The following ASH1L variants were observed in gnomAD, a reference collection of about 807,000 sequenced individuals.
ASH1L encodes the protein histone-lysine N-methyltransferase ASH1L.
ASH1L carries 23 observed loss-of-function variants against 269.0 expected under a neutral mutation model. The ratio of observed to expected loss-of-function variants is 0.09; its 90% confidence interval spans 0.06 to 0.12. The LOEUF is 0.12. ASH1L is among the 10% of genes least tolerant of loss of function. The pLI, the probability that ASH1L is intolerant of heterozygous loss-of-function variation, is 1.00. For synonymous variants in ASH1L, 1,187 were observed against 1,253.5 expected (o/e 0.95, Z 1.12); for missense variants, 2,912 against 3,567.8 (o/e 0.82, Z 4.68).
intron 12 of ASH1L, among the ~76,000 whole-genome samples, chr1:155,363,302 G>A (rs894853285): frequency 6.6e-6 from 1 of 151,812 alleles, no homozygotes; most frequent in African/African-American, 2.4e-5. Flanking sequence ...TTTTTAAACA[G>A]TATCTCACTC....
intron 22 of ASH1L, 132 bp downstream of exon 22, chr1:155,344,051 C>A: frequency 1.3e-6 from 1 of 758,244 alleles, no homozygotes; most frequent in Non-Finnish European, 2.1e-6. Flanking sequence ...ACAAGGACTA[C>A]AGATATAAAA....
intron 6 of ASH1L, among the ~76,000 whole-genome samples, chr1:155,404,136 G>A (rs1659075607): frequency 6.6e-6 from 1 of 151,876 alleles, no homozygotes; most frequent in African/African-American, 2.4e-5. Flanking sequence ...GCCAAAGAGG[G>A]ACTTGACTCA....
rs777151077 is a variant in ASH1L at position 155,354,461 on chromosome 1, CA to C, written c.7213+11del. 1 of 1,601,478 alleles carries C rather than the reference CA, an allele frequency of 6.2e-7. No homozygotes were observed. The highest frequency in any genetic ancestry group is 8.5e-7 in the Non-Finnish European group (1 of 1,175,540). ...TCTGTCTCAAAAAAAAGAAATGTTT[CA>C]AATGCCTTACCAGACTTGATATTCC... On this transcript the variant is annotated intron_variant, in intron 16 of 27. Transcript: ENST00000392403.
At chr1:155,525,996 TATA>T (rs1407369891) in intron 1 of ASH1L, among the ~76,000 whole-genome samples, 2 of 152,208 alleles carry the variant, frequency 1.3e-5, no homozygotes, top group Admixed American at 6.5e-5. Context: ...TAAAATTTTG[TATA>T]ATTTTTTATT....
intron 25 of ASH1L, among the ~76,000 whole-genome samples, chr1:155,340,574 G>A (rs1416711562): frequency 1.3e-5 from 2 of 152,168 alleles, no homozygotes; most frequent in Non-Finnish European, 2.9e-5. Flanking sequence ...CTCAGCCAGG[G>A]TTTTATTAGA....
chr1:155,430,513 GT>G (rs1382259690), intron 5 of ASH1L, among the ~76,000 whole-genome samples: 2 of 152,030 alleles, frequency 1.3e-5, no homozygotes, highest in Admixed American at 6.6e-5. Flanking sequence ...CATTTCAACA[GT>G]TTTCCCATTT....
intron 2 of ASH1L, among the ~76,000 whole-genome samples, chr1:155,516,171 A>C (rs1668492731): frequency 6.6e-6 from 1 of 152,154 alleles, no homozygotes; most frequent in South Asian, 2.1e-4. Flanking sequence ...AAAACACTGT[A>C]TGTAACCTAT....
In ASH1L at chr1:155,517,991, A is replaced by G. The variant is rs566695532; in HGVS notation, c.420+3109T>C. Among the ~76,000 whole-genome samples, 47 of 151,474 alleles carry G rather than the reference A, an allele frequency of 3.1e-4. 1 individual carries two copies. In the South Asian group the frequency reaches 4.4e-3, roughly 14 times the overall value. ...AATTTTTTGTATTTTTAGTAGAGAC[A>G]GGGTTTCACCGTTTTAGCCGGGATG... On this transcript the variant is annotated intron_variant, in intron 2 of 27. Transcript: ENST00000392403.
At chr1:155,424,132 T>C (rs1343334035) in intron 5 of ASH1L, among the ~76,000 whole-genome samples, 5 of 152,242 alleles carry the variant, frequency 3.3e-5, no homozygotes, top group Non-Finnish European at 7.3e-5. Flanking sequence ...TTTCTCTTGT[T>C]CTTGGAAGCC....
In ASH1L at chr1:155,415,851, G is replaced by C. The variant is rs1660164994; in HGVS notation, c.5901C>G (p.Thr1967=). ...GGATGAGAGAAAGCACAGGCTGCAA[G>C]GTACTTTCAGGTTCAGAAGGTTTAG... is the stretch of plus-strand genomic sequence containing the variant. ...TPAKPSEPES[T]LQPVLSLIPR... is the part of the protein sequence containing the mutation. Residue 1967 remains threonine, a synonymous_variant, in exon 6 of 28, where the codon ACC becomes ACG. Transcript: ENST00000392403. 2.5e-6 allele frequency: 4 copies of C among 1,613,766 alleles called. No homozygotes were observed. In the South Asian group the frequency reaches 4.4e-5, roughly 18 times the overall value.
chr1:155,521,590 TCTCCAAAA>T lies in ASH1L; in HGVS notation c.-79_-72del. 7.0e-7 allele frequency: 1 copy of T among 1,424,862 alleles called. No homozygotes were observed. Among genetic ancestry groups the T allele is most frequent in the Non-Finnish European group, 9.5e-7 (1 of 1,056,146 alleles). The allele number at this position is 1,424,862 out of a possible 1,614,324, so 88.3% of individuals were successfully genotyped here. The stretch of plus-strand genomic sequence containing the variant: ...AACTGTGTTCCATAAAAAACAAGGA[TCTCCAAAA>T]CTCGAAACCAGCATCTTTCTCTGCA... On this transcript the variant is annotated 5_prime_UTR_variant, in exon 2 of 28. The change abolishes the stop of an existing upstream ORF in the 5' untranslated region. Coordinates refer to ENST00000392403, the MANE Select transcript of ASH1L (RefSeq NM_018489.3).
intron 5 of ASH1L, among the ~76,000 whole-genome samples, chr1:155,430,699 C>A (rs2148592897): frequency 6.6e-6 from 1 of 152,232 alleles, no homozygotes; most frequent in East Asian, 1.9e-4. Context: ...TACTGTTATA[C>A]ATTTGCCTTA....
At position 155,395,532 on chromosome 1, in the gene ASH1L, T is replaced by C. The variant is rs138347339; in HGVS notation, c.6030A>G (p.Gln2010=). The C allele has an allele frequency of 3.0e-4, 490 of 1,610,142 alleles. No homozygotes were observed. The African/African-American group carries it at 4.2e-3, about 14-fold the overall frequency. The part of the protein sequence containing the change: ...KTTDPKSRLI[Q]LKKEKLEYTP... ...TATACTCCAGCTTCTCTTTCTTTAA[T>C]TGGATCAATCGACTCTTTGGGCTGT... Residue 2010 remains glutamine, a synonymous_variant, in exon 7 of 28, where the codon CAA becomes CAG. Transcript: ENST00000392403.
upstream of ASH1L, chr1:155,563,061 A>G (rs1274344021): frequency 2.2e-6 from 1 of 458,438 alleles, no homozygotes; most frequent in Non-Finnish European, 4.4e-6. Flanking sequence ...ACCGAGCCCC[A>G]CGACAACCTA....
chr1:155,558,752 A>G (rs1211692026), intron 1 of ASH1L, among the ~76,000 whole-genome samples: 1 of 151,958 alleles, frequency 6.6e-6, no homozygotes, highest in Non-Finnish European at 1.5e-5. Flanking sequence ...GGCTGGTATC[A>G]AACTCCTGGG....
At chr1:155,338,932 T>C (rs1652536658) in intron 26 of ASH1L, among the ~76,000 whole-genome samples, 1 of 152,074 alleles carries the variant, frequency 6.6e-6, no homozygotes, top group Non-Finnish European at 1.5e-5. Context: ...ACGTACAAAA[T>C]AAGCAAAAAT....
intron 3 of ASH1L, among the ~76,000 whole-genome samples, chr1:155,471,353 C>T (rs1035617989): frequency 5.9e-5 from 9 of 152,178 alleles, no homozygotes; most frequent in Non-Finnish European, 1.0e-4. Context: ...AGATGGGGGC[C>T]GGTGACCAGA....
intron 3 of ASH1L, among the ~76,000 whole-genome samples, chr1:155,477,103 G>A (rs541460982): frequency 1.2e-4 from 18 of 152,206 alleles, no homozygotes; most frequent in African/African-American, 4.1e-4. Context: ...ACTTCCTAGA[G>A]TTATTTTACA....
At chr1:155,349,711 T>C (rs867207915) in intron 17 of ASH1L, 115 bp from the exon 18 acceptor site, 18 of 256,996 alleles carry the variant, frequency 7.0e-5, no homozygotes, top group Middle Eastern at 1.5e-3. Context: ...ATCCAAGTCT[T>C]TTTTTTTTTT....
Sources: allele counts gnomAD v4.1 joint callset (sites outside exome capture counted in the v4.1 genomes callset), GRCh38; gene constraint gnomAD v4.1.1; transcripts MANE v1.5; gene names NCBI Gene and HGNC (gene_info 2026-07-23, HGNC 2026-07-21).